BABAM2: variants seen among roughly 807,000 people sequenced by gnomAD.
BABAM2 encodes BRISC and BRCA1-A complex member 2.
In BABAM2, 31 loss-of-function variants were observed where a neutral mutation model predicts 54.7. That is an observed-to-expected ratio of 0.57 (90% confidence interval 0.43 to 0.77). BABAM2 has a LOEUF of 0.77. Among genes scored for constraint, BABAM2 ranks in the 30% least tolerant of loss-of-function variants. The pLI, the probability that BABAM2 is intolerant of heterozygous loss-of-function variation, is 0.00. For synonymous variants in BABAM2, 167 were observed against 162.9 expected, an observed-to-expected ratio of 1.03 and a Z score of -0.19; for missense variants, 364 against 455.8, an observed-to-expected ratio of 0.80 and a Z score of 1.83.
At chr2:28,064,278 C>T (rs1375816140) in intron 6 of BABAM2, among the ~76,000 whole-genome samples, 1 of 152,186 alleles carries the variant, frequency 6.6e-6, no homozygotes, top group Non-Finnish European at 1.5e-5. Context: ...TGGGCATCTG[C>T]AGGCTATCTT....
At chr2:28,026,926 A>C (rs5014227) in intron 5 of BABAM2, among the ~76,000 whole-genome samples, 3 of 76,488 alleles carry the variant, frequency 3.9e-5, no homozygotes, top group African/African-American at 6.0e-5. Context: ...TAATATATAT[A>C]AATATATATA....
At chr2:28,266,358 T>C (rs2148148301) in intron 10 of BABAM2, among the ~76,000 whole-genome samples, 1 of 152,348 alleles carries the variant, frequency 6.6e-6, no homozygotes, top group Non-Finnish European at 1.5e-5. Context: ...GTGCTTTTGA[T>C]ATTTTATTGC....
intron 7 of BABAM2, among the ~76,000 whole-genome samples, chr2:28,132,288 G>A (rs927928657): frequency 6.6e-6 from 1 of 151,660 alleles, no homozygotes. Context: ...ACAGGCGCCC[G>A]CCACCACGCC....
intron 3 of BABAM2, among the ~76,000 whole-genome samples, chr2:27,982,847 A>C (rs1246972374): frequency 1.1e-5 from 1 of 88,076 alleles, no homozygotes; most frequent in African/African-American, 3.2e-5. Context: ...TTATGTGTAC[A>C]CACACACACA....
rs1382538008 is a variant in BABAM2 at position 27,995,969 on chromosome 2, T to G, written c.300+7882T>G. On this transcript the variant is annotated intron_variant, in intron 4 of 11. Transcript: ENST00000379624. The surrounding 1 kb of genome is among the most constrained non-coding windows in gnomAD (Gnocchi z 4.1). ...TGTAAATTCCAATTATCTGGTTAAC[T>G]TATCTTTTCATCTATATCTAAATGG... Among the ~76,000 whole-genome samples the G allele has an allele frequency of 6.6e-6, 1 of 152,234 alleles. No homozygotes were observed. Among genetic ancestry groups the G allele is most frequent in the Non-Finnish European group, 1.5e-5 (1 of 68,040 alleles).
intron 3 of BABAM2, among the ~76,000 whole-genome samples, chr2:27,960,441 A>C (rs898166824): frequency 1.3e-5 from 2 of 152,050 alleles, no homozygotes; most frequent in Non-Finnish European, 2.9e-5. Flanking sequence ...AATTCAAAGA[A>C]AGATTGGTGT....
chr2:28,154,570 G>A (rs1672367484), intron 7 of BABAM2, among the ~76,000 whole-genome samples: 1 of 152,150 alleles, frequency 6.6e-6, no homozygotes, highest in Non-Finnish European at 1.5e-5. Flanking sequence ...ACATTTCTGT[G>A]TATGAAATCT....
At chr2:28,032,008 T>C (rs998943793) in intron 5 of BABAM2, among the ~76,000 whole-genome samples, 2 of 152,226 alleles carry the variant, frequency 1.3e-5, no homozygotes, top group Non-Finnish European at 2.9e-5. Flanking sequence ...ATGAAAATAG[T>C]ATATTCTCTA....
intron 4 of BABAM2, among the ~76,000 whole-genome samples, chr2:27,988,801 T>C (rs1672579380): frequency 6.6e-6 from 1 of 152,194 alleles, no homozygotes; most frequent in Non-Finnish European, 1.5e-5. Context: ...AATGTCTCTT[T>C]TTATTTCTTC....
intron 7 of BABAM2, among the ~76,000 whole-genome samples, chr2:28,132,305 A>G (rs573427003): frequency 2.6e-5 from 4 of 151,496 alleles, no homozygotes; most frequent in Admixed American, 6.6e-5. Flanking sequence ...CGCCCGGCTA[A>G]TTTTTTGTAT....
chr2:28,031,210 T>C (rs1212779289), intron 5 of BABAM2, among the ~76,000 whole-genome samples: 6 of 152,170 alleles, frequency 3.9e-5, no homozygotes, highest in African/African-American at 1.2e-4. Flanking sequence ...CACTGACTTA[T>C]GCTCCTTTCT....
At chr2:28,275,067 C>A (rs1057283366) in intron 10 of BABAM2, among the ~76,000 whole-genome samples, 1 of 152,156 alleles carries the variant, frequency 6.6e-6, no homozygotes, top group African/African-American at 2.4e-5. Context: ...GATGACTCAG[C>A]CTCTGCCTTC....
chr2:28,176,266 A>G (rs1674930422), intron 7 of BABAM2, among the ~76,000 whole-genome samples: 1 of 152,070 alleles, frequency 6.6e-6, no homozygotes, highest in Admixed American at 6.5e-5. Context: ...ATATAAAAGT[A>G]ACGATAGTAA....
intron 4 of BABAM2, among the ~76,000 whole-genome samples, chr2:28,016,731 C>A (rs753133844): frequency 6.6e-6 from 1 of 152,200 alleles, no homozygotes; most frequent in Non-Finnish European, 1.5e-5. Context: ...GATCACAGAA[C>A]TACCCTGTTT....
intron 3 of BABAM2, among the ~76,000 whole-genome samples, chr2:27,974,729 A>G (rs1671468236): frequency 6.6e-6 from 1 of 152,124 alleles, no homozygotes; most frequent in African/African-American, 2.4e-5. Flanking sequence ...ATCCTATATA[A>G]CATAGTACTG....
intron 7 of BABAM2, among the ~76,000 whole-genome samples, chr2:28,222,433 C>T (rs1041657036): frequency 3.3e-5 from 5 of 152,104 alleles, no homozygotes; most frequent in Non-Finnish European, 7.3e-5. Context: ...CATGTGATTC[C>T]ACGTGAGTCT....
chr2:27,966,235 G>A (rs1670833874), intron 3 of BABAM2, among the ~76,000 whole-genome samples: 1 of 152,046 alleles, frequency 6.6e-6, no homozygotes, highest in Non-Finnish European at 1.5e-5. Context: ...TTTATTAGTT[G>A]GAATACTTGT....
intron 7 of BABAM2, among the ~76,000 whole-genome samples, chr2:28,158,006 C>T (rs1672712227): frequency 6.6e-6 from 1 of 152,130 alleles, no homozygotes; most frequent in Non-Finnish European, 1.5e-5. Flanking sequence ...AGTAGTTATC[C>T]AAGCATGCAA....
chr2:27,924,460 C>G (rs1159206594), intron 2 of BABAM2, among the ~76,000 whole-genome samples: 1 of 152,132 alleles, frequency 6.6e-6, no homozygotes, highest in Non-Finnish European at 1.5e-5. Flanking sequence ...TCTCAGCTCA[C>G]TGCAACCTCT....
Sources: gnomAD v4.1 joint callset for allele counts (sites outside exome capture counted in the v4.1 genomes callset) on GRCh38, gnomAD v4.1.1 for gene constraint, Gnocchi (gnomAD v3.1) non-coding constraint, MANE v1.5 for transcripts, NCBI Gene and HGNC (gene_info 2026-07-23, HGNC 2026-07-21) for gene names.